Variants in GRB10 observed in about 807,000 individuals in gnomAD.
The protein encoded by GRB10 is growth factor receptor bound protein 10.
In GRB10, 20 loss-of-function variants were observed where a neutral mutation model predicts 80.9. The ratio of observed to expected loss-of-function variants is 0.25; its 90% CI spans 0.17 to 0.36. GRB10 has a LOEUF of 0.36. Among genes scored for constraint, GRB10 ranks in the 10% least tolerant of loss-of-function variants. The probability of loss-of-function intolerance (pLI) is 1.00; values close to 1 mark genes in which losing one functional copy is unlikely to be tolerated. For synonymous variants in GRB10, 291 were observed against 291.5 expected (o/e 1.00, Z 0.02); for missense variants, 548 against 747.7 (o/e 0.73, Z 3.12).
chr7:50,749,887 T>G (rs1251922975), intron 3 of GRB10, among the ~76,000 whole-genome samples: 2 of 152,250 alleles, frequency 1.3e-5, no homozygotes, highest in Non-Finnish European at 2.9e-5. Context: ...AAGCACAGTT[T>G]GTACTTATCA....
rs552285580 is a variant in GRB10, at chr7:50,676,572, T to A, written c.140-1914A>T. Among the ~76,000 whole-genome samples the A allele has an allele frequency of 5.3e-5, 8 of 152,260 alleles. No homozygotes were observed. The East Asian group carries it at 1.5e-3, about 29-fold the overall frequency. ...TTGAAAATAAGCTTTGCATCCCTCA[T>A]TCTCTCCTACCAGGTGTGTGCTCCT... On this transcript the variant is annotated intron_variant, in intron 5 of 18. Coordinates refer to ENST00000401949, the MANE Select transcript of GRB10 (RefSeq NM_001350814.2).
At chr7:50,746,844 T>C (rs1222266791) in intron 3 of GRB10, among the ~76,000 whole-genome samples, 22 of 152,164 alleles carry the variant, frequency 1.4e-4, no homozygotes, top group Admixed American at 1.4e-3. Flanking sequence ...TGAGCCATTC[T>C]GTGCTCTCGC....
intron 2 of GRB10, among the ~76,000 whole-genome samples, chr7:50,758,646 A>G (rs2075388804): frequency 6.6e-6 from 1 of 152,206 alleles, no homozygotes; most frequent in African/African-American, 2.4e-5. Flanking sequence ...CTCTGGAGTG[A>G]AGTCTAGGCC....
intron 13 of GRB10, among the ~76,000 whole-genome samples, chr7:50,608,964 C>CAAAAAAA (rs60832218): frequency 1.0e-5 from 1 of 100,360 alleles, no homozygotes; most frequent in African/African-American, 4.0e-5. Flanking sequence ...GACCCTGACT[C>CAAAAAAA]AAAAAAAAAA....
intron 3 of GRB10, among the ~76,000 whole-genome samples, chr7:50,744,751 T>C (rs1378258000): frequency 6.6e-6 from 1 of 152,216 alleles, no homozygotes; most frequent in Non-Finnish European, 1.5e-5. Flanking sequence ...TGGAGATGAT[T>C]AGCATCACAT....
At chr7:50,757,503 T>C (rs1003680014) in intron 2 of GRB10, among the ~76,000 whole-genome samples, 9 of 152,256 alleles carry the variant, frequency 5.9e-5, no homozygotes, top group African/African-American at 1.9e-4. Context: ...AGGGGAGATA[T>C]GTGATACATG....
At chr7:50,617,707 C>A (rs1166660646) in intron 10 of GRB10, among the ~76,000 whole-genome samples, 1 of 152,156 alleles carries the variant, frequency 6.6e-6, no homozygotes, top group Non-Finnish European at 1.5e-5. Context: ...TAGGCGGTGG[C>A]CTGACCTGGG....
intron 8 of GRB10, among the ~76,000 whole-genome samples, chr7:50,620,590 T>C (rs1438341216): frequency 6.6e-6 from 1 of 152,102 alleles, no homozygotes; most frequent in African/African-American, 2.4e-5. Flanking sequence ...CCAGAGTTTG[T>C]GAAGGAAAGG....
chr7:50,626,790 C>T, intron 8 of GRB10, 32 bp downstream of exon 8: 1 of 1,613,638 alleles, frequency 6.2e-7, no homozygotes, highest in Non-Finnish European at 8.5e-7. Flanking sequence ...TAAGCATCCC[C>T]AGGTGCCAAT....
At chr7:50,780,271 C>T (rs934040643) in intron 2 of GRB10, among the ~76,000 whole-genome samples, 5 of 152,150 alleles carry the variant, frequency 3.3e-5, no homozygotes, top group Non-Finnish European at 4.4e-5. Context: ...CAGTTCTGCA[C>T]GTGATGCATG....
chr7:50,643,647 G>A (rs1040183587), intron 7 of GRB10, among the ~76,000 whole-genome samples: 5 of 152,206 alleles, frequency 3.3e-5, no homozygotes, highest in Middle Eastern at 3.2e-3. Flanking sequence ...ACTTTATTAT[G>A]ATATGTAAGT....
chr7:50,598,615 C>T lies in GRB10; in HGVS notation c.1545-3085G>A, dbSNP rs181651690. ...TGGTGATACTGTTATCTTCATTTCA[C>T]AATGATAAGGGAAGTGACACACAGA... is the stretch of plus-strand genomic sequence containing the variant. On this transcript the variant is annotated intron_variant, in intron 17 of 18. Transcript: ENST00000401949. Among the ~76,000 whole-genome samples the T allele has an allele frequency of 2.1e-3, 322 of 152,286 alleles. 2 individuals carry two copies. Among genetic ancestry groups the T allele is most frequent in the African/African-American group, 7.4e-3 (309 of 41,544 alleles).
At chr7:50,640,054 C>T (rs2055928889) in intron 7 of GRB10, among the ~76,000 whole-genome samples, 1 of 152,174 alleles carries the variant, frequency 6.6e-6, no homozygotes, top group South Asian at 2.1e-4. Flanking sequence ...AGTGTCCTTG[C>T]TGGGGTCATC....
At chr7:50,683,501 C>T (rs2061759829) in intron 5 of GRB10, among the ~76,000 whole-genome samples, 1 of 152,200 alleles carries the variant, frequency 6.6e-6, no homozygotes, top group Admixed American at 6.5e-5. Flanking sequence ...CTTTGGGAGG[C>T]CGTGGCGGGT....
chr7:50,759,555 T>C (rs575288125), intron 2 of GRB10, among the ~76,000 whole-genome samples: 23 of 152,348 alleles, frequency 1.5e-4, no homozygotes, highest in African/African-American at 5.5e-4. Flanking sequence ...CCTGACATGA[T>C]GTAAATGCTA....
chr7:50,596,799 C>T (rs1197373814), intron 17 of GRB10, among the ~76,000 whole-genome samples: 1 of 152,144 alleles, frequency 6.6e-6, no homozygotes, highest in African/African-American at 2.4e-5. Flanking sequence ...TATAGTTCAT[C>T]CTATTACTAT....
chr7:50,630,149 G>C (rs2053737949), intron 7 of GRB10, among the ~76,000 whole-genome samples: 1 of 152,168 alleles, frequency 6.6e-6, no homozygotes, highest in South Asian at 2.1e-4. Context: ...CCAAGCTGTG[G>C]GGAACTGCTC....
chr7:50,608,964 CA>C (rs60832218), intron 13 of GRB10, among the ~76,000 whole-genome samples: 51,464 of 100,488 alleles, frequency 0.51, 9,554 homozygotes, highest in East Asian at 0.75. Flanking sequence ...GACCCTGACT[CA>C]AAAAAAAAAA....
At chr7:50,706,684 T>C (rs954543700) in intron 4 of GRB10, among the ~76,000 whole-genome samples, 1 of 152,234 alleles carries the variant, frequency 6.6e-6, no homozygotes, top group African/African-American at 2.4e-5. Context: ...CCTTTATATT[T>C]CTTCTTTTGG....
Sources: allele counts gnomAD v4.1 joint callset (sites outside exome capture counted in the v4.1 genomes callset), GRCh38; gene constraint gnomAD v4.1.1; transcripts MANE v1.5; gene names NCBI Gene and HGNC (gene_info 2026-07-23, HGNC 2026-07-21).